SMC6: variants seen among roughly 807,000 people sequenced by gnomAD.
SMC6 encodes the protein structural maintenance of chromosomes 6, also known as structural maintenance of chromosomes protein 6.
A neutral mutation model predicts 142.2 loss-of-function variants in SMC6; 79 were observed. The ratio of observed to expected loss-of-function variants is 0.56; its 90% CI spans 0.46 to 0.67. SMC6 has a LOEUF of 0.67. Ranked by LOEUF, SMC6 falls within the 30% of genes least tolerant of loss-of-function variation. The pLI, the probability that SMC6 is intolerant of heterozygous loss-of-function variation, is 0.00. For synonymous variants in SMC6, 411 were observed against 412.4 expected (o/e 1.00, Z 0.04); for missense variants, 1,072 against 1,284.0 (o/e 0.83, Z 2.52).
Position 17,753,080 on chromosome 2 carries a change from G to C in SMC6, c.-92-16C>G. The C allele has an allele frequency of 1.1e-6, 1 of 918,856 alleles. No homozygotes were observed. The highest frequency in any genetic ancestry group is 1.3e-6 in the Non-Finnish European group (1 of 769,406). The allele number at this position is 918,856 out of a possible 1,614,324, so 56.9% of individuals were successfully genotyped here. On this transcript the variant is annotated splice_polypyrimidine_tract_variant and intron_variant, in intron 1 of 27. Coordinates refer to ENST00000448223, the MANE Select transcript of SMC6 (RefSeq NM_001142286.2). ...CGGTTCATTTCTGTAAGAAATGAGG[G>C]CAGAGAAATGCCATCAGTAAACCTT... is the stretch of plus-strand genomic sequence containing the variant.
At chr2:17,705,846 T>C (rs1018013109) in intron 18 of SMC6, among the ~76,000 whole-genome samples, 6 of 152,146 alleles carry the variant, frequency 3.9e-5, no homozygotes, top group Non-Finnish European at 8.8e-5. Context: ...TAATGAAAAA[T>C]ATATTAAGCC....
Position 17,665,442 on chromosome 2 carries a change from A to C in SMC6, c.*57T>G. On this transcript the variant is annotated 3_prime_UTR_variant, in exon 28 of 28. Coordinates refer to ENST00000448223, the MANE Select transcript of SMC6 (RefSeq NM_001142286.2). ...ATTTTATTATATCAAAGAGTCCAGA[A>C]TTTTTTTTCCCTTCACAAATCCTTC... The C allele has an allele frequency of 8.2e-7, 1 of 1,222,886 alleles. No homozygotes were observed. Among genetic ancestry groups the C allele is most frequent in the Non-Finnish European group, 1.1e-6 (1 of 870,510 alleles). The allele number at this position is 1,222,886 out of a possible 1,614,324, so 75.8% of individuals were successfully genotyped here.
At chr2:17,671,120 C>T (rs1666739803) in intron 25 of SMC6, among the ~76,000 whole-genome samples, 1 of 151,738 alleles carries the variant, frequency 6.6e-6, no homozygotes, top group African/African-American at 2.4e-5. Context: ...GCAATCCTCC[C>T]ATCTCAGCTT....
chr2:17,739,853 C>CACAG (rs1244553589), intron 4 of SMC6, among the ~76,000 whole-genome samples: 2 of 143,876 alleles, frequency 1.4e-5, no homozygotes, highest in African/African-American at 5.3e-5. Context: ...CAGACACACA[C>CACAG]ACACACACAC....
intron 16 of SMC6, among the ~76,000 whole-genome samples, chr2:17,714,073 T>A (rs1668957932): frequency 6.8e-6 from 1 of 147,364 alleles, no homozygotes; most frequent in Non-Finnish European, 1.5e-5. Flanking sequence ...GATATATACA[T>A]TCATTTTTTG....
intron 23 of SMC6, among the ~76,000 whole-genome samples, chr2:17,693,860 G>A (rs943580660): frequency 1.3e-5 from 2 of 151,434 alleles, no homozygotes; most frequent in African/African-American, 2.4e-5. Flanking sequence ...GATGGGCGTC[G>A]TGGCATGTGC....
At chr2:17,694,968 T>A (rs1667921376) in intron 23 of SMC6, among the ~76,000 whole-genome samples, 184 bp downstream of exon 23, 1 of 152,222 alleles carries the variant, frequency 6.6e-6, no homozygotes, top group South Asian at 2.1e-4. Flanking sequence ...AGTTTTGTAA[T>A]AGTTCAGAAG....
At chr2:17,744,403 T>A (rs1670632065) in intron 3 of SMC6, among the ~76,000 whole-genome samples, 1 of 152,214 alleles carries the variant, frequency 6.6e-6, no homozygotes, top group South Asian at 2.1e-4. Flanking sequence ...TAAAGCATTT[T>A]AAAAATACCT....
chr2:17,682,726 C>T (rs1028969105), intron 24 of SMC6, among the ~76,000 whole-genome samples: 1 of 152,068 alleles, frequency 6.6e-6, no homozygotes, highest in Non-Finnish European at 1.5e-5. Flanking sequence ...CCACAACCAA[C>T]GGCTGCTCTA....
At chr2:17,673,663 G>A (rs1017213454) in intron 25 of SMC6, among the ~76,000 whole-genome samples, 7 of 150,318 alleles carry the variant, frequency 4.7e-5, no homozygotes, top group South Asian at 2.1e-4. Flanking sequence ...TCCGCCTCCC[G>A]GGTTTAAGCG....
Position 17,734,916 on chromosome 2 carries a change from G to A in SMC6, c.345-3039C>T, listed in dbSNP as rs145881118. Among the ~76,000 whole-genome samples, 490 of 152,172 alleles carry A rather than the reference G, an allele frequency of 3.2e-3. 6 individuals carry two copies. The highest frequency in any genetic ancestry group is 3.7e-3 in the East Asian group (19 of 5,176). ...CCAGCTAATTTTTGTATTTTTAGTA[G>A]AGACGGGGTTTCGCCATGTTGGCCA... On this transcript the variant is annotated intron_variant, in intron 5 of 27. Transcript: ENST00000448223.
At chr2:17,725,192 A>G in intron 9 of SMC6, 65 bp downstream of exon 9, 1 of 1,029,034 alleles carries the variant, frequency 9.7e-7, no homozygotes. Flanking sequence ...TTACAATATC[A>G]TTTACTGTAA....
At chr2:17,680,318 A>G (rs1172761551) in intron 24 of SMC6, 1 of 152,242 alleles carries the variant, frequency 6.6e-6, no homozygotes, top group Non-Finnish European at 1.5e-5. Context: ...GAATATTGCA[A>G]TAAAGTGAGT....
In SMC6 at chr2:17,753,007, T is replaced by A. The variant is rs981525436; in HGVS notation, c.-35A>T. On this transcript the variant is annotated 5_prime_UTR_variant, in exon 2 of 28. Transcript: ENST00000448223. Reference sequence around the variant, plus strand: ...AACCCTATTGGTTCTACAACCTTTCTCTACCCTAGAGTCCTGTTTTCCGCA... The same window carrying A: ...AACCCTATTGGTTCTACAACCTTTCACTACCCTAGAGTCCTGTTTTCCGCA... 2.5e-5 allele frequency: 25 copies of A among 985,078 alleles called. No individual in the cohort carries two copies. The highest frequency in any genetic ancestry group is 3.0e-5 in the Non-Finnish European group (25 of 829,582). 61.0% of individuals were successfully genotyped at this position (985,078 alleles called of 1,614,324 possible).
intron 23 of SMC6, among the ~76,000 whole-genome samples, chr2:17,692,528 T>C (rs1667781017): frequency 1.3e-5 from 2 of 152,304 alleles, no homozygotes; most frequent in African/African-American, 4.8e-5. Flanking sequence ...ACTGGATCCC[T>C]TCCTTATACC....
chr2:17,745,238 T>C (rs1670683941), intron 3 of SMC6, among the ~76,000 whole-genome samples: 1 of 151,968 alleles, frequency 6.6e-6, no homozygotes, highest in African/African-American at 2.4e-5. Flanking sequence ...AAGTGTTCTC[T>C]TATGATTTTT....
At chr2:17,747,090 T>C (rs1670789515) in intron 2 of SMC6, among the ~76,000 whole-genome samples, 1 of 152,030 alleles carries the variant, frequency 6.6e-6, no homozygotes, top group Admixed American at 6.5e-5. Flanking sequence ...TGTAGACAAG[T>C]AGGGAGCCAT....
chr2:17,750,441 A>AT (rs1670968067), intron 2 of SMC6, among the ~76,000 whole-genome samples: 1 of 152,162 alleles, frequency 6.6e-6, no homozygotes, highest in Non-Finnish European at 1.5e-5. Context: ...TATTGCCCTT[A>AT]TTTTTACAAA....
At chr2:17,670,903 C>T (rs1666728159) in intron 25 of SMC6, among the ~76,000 whole-genome samples, 1 of 152,122 alleles carries the variant, frequency 6.6e-6, no homozygotes, top group Non-Finnish European at 1.5e-5. Context: ...CTCTGTTGAA[C>T]CAGGCTGGAG....
Sources: gnomAD v4.1 joint callset for allele counts (sites outside exome capture counted in the v4.1 genomes callset) on GRCh38, gnomAD v4.1.1 for gene constraint, MANE v1.5 for transcripts, NCBI Gene and HGNC (gene_info 2026-07-23, HGNC 2026-07-21) for gene names.